SEMA3E: variants seen among roughly 807,000 people sequenced by gnomAD.
The protein encoded by SEMA3E is semaphorin 3E, also known as semaphorin-3E.
SEMA3E carries 49 observed loss-of-function variants against 93.6 expected under a neutral mutation model. That is an observed-to-expected ratio of 0.52 (90% CI 0.42 to 0.66). SEMA3E has a LOEUF of 0.66. Ranked by LOEUF, SEMA3E falls within the 30% of genes least tolerant of loss-of-function variation. The pLI is 0.00. For synonymous variants in SEMA3E, 363 were observed against 330.7 expected (o/e 1.10, Z -1.06); for missense variants, 906 against 964.8 (o/e 0.94, Z 0.81).
chr7:83,516,835 C>T lies in SEMA3E; in HGVS notation c.116-26561G>A, dbSNP rs117321317. 5.4e-3 allele frequency among the ~76,000 whole-genome samples: 812 copies of T among 151,746 alleles called. 6 individuals are homozygous for T. Among genetic ancestry groups the T allele is most frequent in the Non-Finnish European group, 9.3e-3 (633 of 67,914 alleles). ...AGTCAAAAATGCTTGAGAGCATTTG[C>T]TTTTACCAGTACCTTCCAGGGAAAC... On this transcript the variant is annotated intron_variant, in intron 1 of 16. Transcript: ENST00000643230.
chr7:83,612,127 C>T (rs148958017), intron 1 of SEMA3E, among the ~76,000 whole-genome samples: 1 of 152,178 alleles, frequency 6.6e-6, no homozygotes, highest in African/African-American at 2.4e-5. Flanking sequence ...TCAGAGACTC[C>T]TTGATCATCC....
intron 1 of SEMA3E, among the ~76,000 whole-genome samples, chr7:83,574,806 A>G (rs1329264056): frequency 1.3e-5 from 2 of 152,176 alleles, no homozygotes; most frequent in African/African-American, 2.4e-5. Flanking sequence ...ATGTGAGGCC[A>G]TTCTAGATTG....
In SEMA3E at chr7:83,423,670, AT is replaced by A. The variant is rs71074657; in HGVS notation, c.457-5188del. 5.8e-3 allele frequency among the ~76,000 whole-genome samples: 833 copies of A among 142,644 alleles called. 7 individuals are homozygous for A. Among genetic ancestry groups the A allele is most frequent in the African/African-American group, 0.018 (713 of 38,780 alleles). The allele number at this position is 142,644 out of a possible 152,430, so 93.6% of individuals were successfully genotyped here. On this transcript the variant is annotated intron_variant, in intron 4 of 16. Coordinates refer to ENST00000643230, the MANE Select transcript of SEMA3E (RefSeq NM_012431.3). The stretch of plus-strand genomic sequence containing the variant: ...AGACGCCCACCACCACGCCCGGCTA[AT>A]TTTTTTTTTTTTTGTACTTTTAGTA...
chr7:83,605,437 T>C (rs1401788019), intron 1 of SEMA3E, among the ~76,000 whole-genome samples: 2 of 151,914 alleles, frequency 1.3e-5, no homozygotes, highest in African/African-American at 2.4e-5. Flanking sequence ...CCTCTCTTTT[T>C]TTTTTTTTAT....
At chr7:83,501,051 C>T (rs1790588050) in intron 1 of SEMA3E, among the ~76,000 whole-genome samples, 1 of 152,136 alleles carries the variant, frequency 6.6e-6, no homozygotes, top group Non-Finnish European at 1.5e-5. Context: ...TGCCATTTTA[C>T]AGAGAATTAG....
At chr7:83,540,005 C>G (rs1171716771) in intron 1 of SEMA3E, among the ~76,000 whole-genome samples, 2 of 151,848 alleles carry the variant, frequency 1.3e-5, no homozygotes, top group Non-Finnish European at 2.9e-5. Flanking sequence ...CTCAGTCTCC[C>G]AAGTAGCTGG....
chr7:83,452,143 GT>G (rs1789374721), intron 4 of SEMA3E, among the ~76,000 whole-genome samples: 1 of 152,018 alleles, frequency 6.6e-6, no homozygotes, highest in East Asian at 1.9e-4. Flanking sequence ...GTGTGTGTGT[GT>G]GTGTCTGTGT....
At chr7:83,580,280 T>A (rs1792492483) in intron 1 of SEMA3E, among the ~76,000 whole-genome samples, 1 of 152,014 alleles carries the variant, frequency 6.6e-6, no homozygotes, top group Non-Finnish European at 1.5e-5. Context: ...AAATTTACCT[T>A]CCTTGAATTA....
Position 83,367,507 on chromosome 7 carries a change from G to A in SEMA3E, c.*79C>T, listed in dbSNP as rs1357098764. ...AGAAATCTCTTTTAAGTAATGCAAA[G>A]AAGTTGGATGATTTATTTTTTTACT... is the stretch of plus-strand genomic sequence containing the variant. On this transcript the variant is annotated 3_prime_UTR_variant, in exon 17 of 17. Coordinates refer to ENST00000643230, the MANE Select transcript of SEMA3E (RefSeq NM_012431.3). 1 of 1,413,338 alleles carries A rather than the reference G, an allele frequency of 7.1e-7. No homozygotes were observed. The highest frequency in any genetic ancestry group is 1.4e-5 in the African/African-American group (1 of 69,100). The allele number at this position is 1,413,338 out of a possible 1,614,324, so 87.5% of individuals were successfully genotyped here.
chr7:83,506,015 CAAA>C (rs57051446), intron 1 of SEMA3E, among the ~76,000 whole-genome samples: 427 of 87,406 alleles, frequency 4.9e-3, no homozygotes, highest in African/African-American at 0.017. Flanking sequence ...ACTCCGTCTC[CAAA>C]AAAAAAAAAA....
At chr7:83,570,626 GA>G (rs1792266058) in intron 1 of SEMA3E, among the ~76,000 whole-genome samples, 1 of 149,698 alleles carries the variant, frequency 6.7e-6, no homozygotes, top group South Asian at 2.1e-4. Context: ...GAGGAACTAG[GA>G]AAAAAATTAG....
Position 83,464,354 on chromosome 7 carries a change from A to T in SEMA3E, c.456+2128T>A, listed in dbSNP as rs537268990. 3.3e-3 allele frequency among the ~76,000 whole-genome samples: 493 copies of T among 151,018 alleles called. 3 individuals carry two copies. Among genetic ancestry groups the T allele is most frequent in the Non-Finnish European group, 4.9e-3 (334 of 67,788 alleles). On this transcript the variant is annotated intron_variant, in intron 4 of 16. Transcript: ENST00000643230. ...ATTAGGCCCCAGTCTCATTCCAGAC[A>T]CCAGACCAACTTAGACTGTGCCCCC...
chr7:83,611,239 C>T (rs566367810), intron 1 of SEMA3E, among the ~76,000 whole-genome samples: 8 of 144,530 alleles, frequency 5.5e-5, no homozygotes, highest in South Asian at 2.1e-4. Context: ...CCCCAGATCA[C>T]TCCATATATA....
chr7:83,466,742 G>T, intron 3 of SEMA3E, 141 bp from the exon 4 acceptor site: 2 of 994,680 alleles, frequency 2.0e-6, no homozygotes, highest in Non-Finnish European at 3.0e-6. Context: ...AGGGGTAGAA[G>T]AAAAGAGGAC....
intron 1 of SEMA3E, among the ~76,000 whole-genome samples, chr7:83,558,067 A>G (rs1000469002): frequency 6.6e-6 from 1 of 152,172 alleles, no homozygotes; most frequent in Non-Finnish European, 1.5e-5. Context: ...TAAGTTATCC[A>G]TTGATTTGTT....
chr7:83,639,765 C>T (rs302125), intron 1 of SEMA3E, among the ~76,000 whole-genome samples: 1,902 of 150,856 alleles, frequency 0.013, 36 homozygotes, highest in African/African-American at 0.043. Flanking sequence ...AAGAATAAGA[C>T]AGCATCAAAT....
At chr7:83,460,556 G>A (rs548442787) in intron 4 of SEMA3E, among the ~76,000 whole-genome samples, 40 of 151,254 alleles carry the variant, frequency 2.6e-4, no homozygotes, top group African/African-American at 8.5e-4. Context: ...CACCTTTAGC[G>A]GCAAGTCCTG....
At position 83,474,542 on chromosome 7, in the gene SEMA3E, G is replaced by T. The variant is rs138744201; in HGVS notation, c.277-5240C>A. On this transcript the variant is annotated intron_variant, in intron 2 of 16. Coordinates refer to ENST00000643230, the MANE Select transcript of SEMA3E (RefSeq NM_012431.3). ...TAAGTGAAAACACAGTTTTGTTTTT[G>T]ATGTTGCAACACAAGAAAAGATAAA... is the stretch of plus-strand genomic sequence containing the variant. Among the ~76,000 whole-genome samples the T allele has an allele frequency of 2.7e-3, 418 of 152,134 alleles. 3 individuals are homozygous for T. Among genetic ancestry groups the T allele is most frequent in the African/African-American group, 9.4e-3 (388 of 41,484 alleles).
At chr7:83,401,510 T>C (rs541849283) in intron 10 of SEMA3E, among the ~76,000 whole-genome samples, 1 of 152,122 alleles carries the variant, frequency 6.6e-6, no homozygotes, top group South Asian at 2.1e-4. Context: ...CCAAATCTCC[T>C]TTAAGACCAT....
Sources: allele counts gnomAD v4.1 joint callset (sites outside exome capture counted in the v4.1 genomes callset), GRCh38; gene constraint gnomAD v4.1.1; transcripts MANE v1.5; gene names NCBI Gene and HGNC (gene_info 2026-07-23, HGNC 2026-07-21).